Variants in STAU2 observed in about 807,000 individuals in gnomAD.
STAU2 encodes double-stranded RNA-binding protein Staufen homolog 2.
A neutral mutation model predicts 65.9 loss-of-function variants in STAU2; 20 were observed. The ratio of observed to expected loss-of-function variants is 0.30; its 90% CI spans 0.21 to 0.44. The LOEUF (loss-of-function observed/expected upper bound fraction) is 0.44, where lower values mean the gene tolerates loss of function less well. STAU2 is among the 20% of genes least tolerant of loss of function. The pLI is 1.00. For synonymous variants in STAU2, 232 were observed against 233.9 expected (o/e 0.99, Z 0.07); for missense variants, 558 against 683.9 (o/e 0.82, Z 2.05).
At chr8:73,526,448 T>A (rs183846799) in intron 13 of STAU2, among the ~76,000 whole-genome samples, 3 of 152,318 alleles carry the variant, frequency 2.0e-5, no homozygotes, top group African/African-American at 7.2e-5. Flanking sequence ...CAAAGTCTTG[T>A]TTGAGTTGGA....
At chr8:73,694,435 C>T (rs1461740692) in intron 4 of STAU2, among the ~76,000 whole-genome samples, 1 of 152,128 alleles carries the variant, frequency 6.6e-6, no homozygotes, top group Admixed American at 6.5e-5. Flanking sequence ...TATTCTGGGC[C>T]ATAAAATAAG....
intron 13 of STAU2, among the ~76,000 whole-genome samples, chr8:73,495,990 A>G (rs552670975): frequency 1.3e-5 from 2 of 151,592 alleles, no homozygotes; most frequent in African/African-American, 4.8e-5. Context: ...CCTCCAAATA[A>G]CTTGTAGTTA....
At chr8:73,495,687 A>ATATATATATATATATATATATATATT (rs1198081707) in intron 13 of STAU2, among the ~76,000 whole-genome samples, 1 of 145,102 alleles carries the variant, frequency 6.9e-6, no homozygotes, top group East Asian at 2.0e-4. Flanking sequence ...ATATATATAT[A>ATATATATATATATATATATATATATT]TGTATAGTTA....
Position 73,511,298 on chromosome 8 carries a change from C to T in STAU2, c.1530+40714G>A, listed in dbSNP as rs944934941. On this transcript the variant is annotated intron_variant, in intron 13 of 14. Transcript: ENST00000524300. ...TCAACATCACTTTCACCATCATAGT[C>T]ATTCTACCCCTCCTCCTCATCTTCT... is the stretch of plus-strand genomic sequence containing the variant. The T allele has an allele frequency of 2.0e-5, 3 of 153,044 alleles. No homozygotes were observed. The Admixed American group carries it at 2.0e-4, about 10-fold the overall frequency. 9.5% of individuals were successfully genotyped at this position (153,044 alleles called of 1,614,324 possible).
chr8:73,456,326 G>A (rs1819065848), intron 13 of STAU2, among the ~76,000 whole-genome samples: 1 of 152,166 alleles, frequency 6.6e-6, no homozygotes, highest in Non-Finnish European at 1.5e-5. Flanking sequence ...TAAAACAGGT[G>A]AACCTAAATT....
intron 13 of STAU2, among the ~76,000 whole-genome samples, chr8:73,459,601 G>A (rs1285882225): frequency 1.3e-5 from 2 of 151,924 alleles, no homozygotes; most frequent in African/African-American, 2.4e-5. Context: ...TCCCCTCCGC[G>A]AAGACCTCAA....
intron 13 of STAU2, chr8:73,441,645 A>G (rs1818146099): frequency 6.6e-6 from 1 of 152,226 alleles, no homozygotes; most frequent in Admixed American, 6.5e-5. Context: ...CCCATGTGGA[A>G]GAATATATAG....
At chr8:73,728,811 G>A (rs908391331) in intron 3 of STAU2, among the ~76,000 whole-genome samples, 3 of 152,112 alleles carry the variant, frequency 2.0e-5, no homozygotes, top group Non-Finnish European at 2.9e-5. Context: ...TAGCTTTAGT[G>A]GAGGTTTTTC....
rs1343221195 is a variant in STAU2 at position 73,421,258 on chromosome 8, T to C, written c.*114A>G. On this transcript the variant is annotated 3_prime_UTR_variant, in exon 15 of 15. Coordinates refer to ENST00000524300, the MANE Select transcript of STAU2 (RefSeq NM_001164380.2). ...TCTCTCGTGTTAGAATAGTGTTGTC[T>C]TCACATAAGACTCAAATAATGGTAT... is the stretch of plus-strand genomic sequence containing the variant. 2.6e-5 allele frequency: 22 copies of C among 862,124 alleles called. 1 individual carries two copies. The highest frequency in any genetic ancestry group is 2.0e-4 in the South Asian group (13 of 65,130). The allele number at this position is 862,124 out of a possible 1,614,324, so 53.4% of individuals were successfully genotyped here.
At chr8:73,534,284 G>A (rs905086501) in intron 13 of STAU2, among the ~76,000 whole-genome samples, 2 of 152,128 alleles carry the variant, frequency 1.3e-5, no homozygotes, top group Non-Finnish European at 2.9e-5. Flanking sequence ...TTTTCGCAAC[G>A]TCTGCACCTC....
chr8:73,576,314 A>G (rs1809546566), intron 12 of STAU2, among the ~76,000 whole-genome samples: 1 of 152,328 alleles, frequency 6.6e-6, no homozygotes, highest in East Asian at 1.9e-4. Flanking sequence ...ATGTAACAAA[A>G]CAAAATAATC....
intron 4 of STAU2, among the ~76,000 whole-genome samples, chr8:73,699,325 C>G (rs1190427158): frequency 6.6e-6 from 1 of 151,480 alleles, no homozygotes; most frequent in Non-Finnish European, 1.5e-5. Context: ...TAATAAAGAT[C>G]AGAGCAGAAA....
In STAU2 at chr8:73,467,878, C is replaced by T. The variant is rs565980775; in HGVS notation, c.1531-45176G>A. Among the ~76,000 whole-genome samples the T allele has an allele frequency of 1.0e-3, 154 of 152,248 alleles. 4 individuals are homozygous for T. Among genetic ancestry groups the T allele is most frequent in the African/African-American group, 3.4e-3 (141 of 41,540 alleles). On this transcript the variant is annotated intron_variant, in intron 13 of 14. Transcript: ENST00000524300. ...CAATATCATGAAAATGGCCATACTGCCCAAGATAATTTATAGATTCAATGC... is the reference window on the plus strand; with the variant it reads ...CAATATCATGAAAATGGCCATACTGTCCAAGATAATTTATAGATTCAATGC...
intron 9 of STAU2, among the ~76,000 whole-genome samples, chr8:73,609,402 C>T (rs1384589006): frequency 6.6e-6 from 1 of 151,932 alleles, no homozygotes; most frequent in African/African-American, 2.4e-5. Flanking sequence ...GTCTGTAATT[C>T]CAGCACTTTG....
intron 9 of STAU2, among the ~76,000 whole-genome samples, chr8:73,610,533 C>T (rs1397826946): frequency 2.9e-5 from 3 of 104,894 alleles, no homozygotes; most frequent in East Asian, 5.5e-4. Context: ...AGTTAGACCC[C>T]GTCTCAAAAA....
At chr8:73,627,691 T>C (rs1311706771) in intron 6 of STAU2, among the ~76,000 whole-genome samples, 1 of 151,170 alleles carries the variant, frequency 6.6e-6, no homozygotes, top group Non-Finnish European at 1.5e-5. Flanking sequence ...TAGCAGCTGA[T>C]AAAGAATATT....
chr8:73,645,245 T>C (rs1323995063), intron 6 of STAU2, among the ~76,000 whole-genome samples: 2 of 152,286 alleles, frequency 1.3e-5, no homozygotes, highest in Admixed American at 6.5e-5. Context: ...TCTTAGACCA[T>C]GACCAAGTAT....
At chr8:73,620,148 G>A (rs570686991) in intron 6 of STAU2, among the ~76,000 whole-genome samples, 4 of 152,008 alleles carry the variant, frequency 2.6e-5, no homozygotes, top group South Asian at 2.1e-4. Flanking sequence ...TATGAATAAC[G>A]CCGGTCATCT....
intron 5 of STAU2, among the ~76,000 whole-genome samples, chr8:73,678,661 A>G (rs1818181279): frequency 6.6e-6 from 1 of 152,244 alleles, no homozygotes; most frequent in African/African-American, 2.4e-5. Context: ...TGTAAAAAGC[A>G]AGTGTTAAAT....
Sources: gnomAD v4.1 joint callset for allele counts (sites outside exome capture counted in the v4.1 genomes callset) on GRCh38, gnomAD v4.1.1 for gene constraint, MANE v1.5 for transcripts, NCBI Gene and HGNC (gene_info 2026-07-23, HGNC 2026-07-21) for gene names.